The following CSMD1 variants were observed in gnomAD, a reference collection of about 807,000 sequenced individuals.
CSMD1 encodes the protein CUB and Sushi multiple domains 1.
A neutral mutation model predicts 417.5 loss-of-function variants in CSMD1; 213 were observed. The ratio of observed to expected loss-of-function variants is 0.51; its 90% confidence interval spans 0.46 to 0.57. CSMD1 has a LOEUF of 0.57. Among genes scored for constraint, CSMD1 ranks in the 20% least tolerant of loss-of-function variants. The probability of loss-of-function intolerance (pLI) is 0.00; values close to 1 mark genes in which losing one functional copy is unlikely to be tolerated. For missense variants in CSMD1, 6,923 were observed against 4,529.7 expected (o/e 1.53, Z -15.17); for synonymous variants, 2,862 against 1,736.8 (o/e 1.65, Z -16.11).
intron 1 of CSMD1, among the ~76,000 whole-genome samples, chr8:4,741,957 C>T (rs1349802591): frequency 7.0e-6 from 1 of 142,748 alleles, no homozygotes; most frequent in Non-Finnish European, 1.5e-5. Context: ...TCTTAGCCTC[C>T]AGAGAAGCTG....
intron 3 of CSMD1, among the ~76,000 whole-genome samples, chr8:4,189,032 G>A (rs1243228951): frequency 6.6e-6 from 1 of 152,134 alleles, no homozygotes; most frequent in East Asian, 1.9e-4. Context: ...CAAAGCCACT[G>A]AAAGCCCAGG....
chr8:3,069,525 C>A (rs942501387), intron 49 of CSMD1, among the ~76,000 whole-genome samples: 9 of 152,100 alleles, frequency 5.9e-5, no homozygotes, highest in African/African-American at 2.2e-4. Context: ...TTAAACCTCC[C>A]AAATAACTTC....
chr8:3,885,504 T>G (rs1183552979), intron 5 of CSMD1, among the ~76,000 whole-genome samples: 1 of 152,142 alleles, frequency 6.6e-6, no homozygotes, highest in East Asian at 1.9e-4. Context: ...TCGAAAAATG[T>G]CTCTAGATGG....
At chr8:4,184,405 C>T (rs1798548276) in intron 3 of CSMD1, among the ~76,000 whole-genome samples, 2 of 152,088 alleles carry the variant, frequency 1.3e-5, no homozygotes, top group South Asian at 4.1e-4. Context: ...TAATCTGGAG[C>T]ATATGAGGAT....
chr8:3,628,899 C>T (rs183139409), intron 7 of CSMD1, among the ~76,000 whole-genome samples: 3 of 150,618 alleles, frequency 2.0e-5, no homozygotes, highest in African/African-American at 7.3e-5. Context: ...AAAACGAAGA[C>T]AGGCAGGAAA....
Position 3,444,627 on chromosome 8 carries a change from C to G in CSMD1, c.1561+24085G>C, listed in dbSNP as rs147129043. Among the ~76,000 whole-genome samples, 891 of 152,118 alleles carry G rather than the reference C, an allele frequency of 5.9e-3. 11 individuals carry two copies. The highest frequency in any genetic ancestry group is 0.02 in the African/African-American group (830 of 41,484). Reference sequence around the variant, plus strand: ...TCCTAAAAACCTACAGTCACAGGACCGTCCCTGCCTTAACACCCAAACAAA... The same window carrying G: ...TCCTAAAAACCTACAGTCACAGGACGGTCCCTGCCTTAACACCCAAACAAA... On this transcript the variant is annotated intron_variant, in intron 12 of 69. Coordinates refer to ENST00000635120, the MANE Select transcript of CSMD1 (RefSeq NM_033225.6).
intron 1 of CSMD1, among the ~76,000 whole-genome samples, chr8:4,767,540 A>G (rs906105496): frequency 6.6e-5 from 10 of 152,076 alleles, no homozygotes; most frequent in Admixed American, 3.9e-4. Context: ...GTATCTCACC[A>G]TCCTGTCCTG....
chr8:4,555,402 C>T (rs1798046106), intron 2 of CSMD1, among the ~76,000 whole-genome samples: 1 of 152,098 alleles, frequency 6.6e-6, no homozygotes, highest in Non-Finnish European at 1.5e-5. Context: ...GTTTCCTCTC[C>T]AGCGCAGGTG....
At position 3,219,282 on chromosome 8, in the gene CSMD1, G is replaced by A. The variant is rs763109987; in HGVS notation, c.4645C>T (p.Leu1549Phe). Residue 1549 changes from leucine to phenylalanine, a missense_variant, in exon 29 of 70, where the codon CTT becomes TTT. Transcript: ENST00000635120. ...LAFRSDASVG[L>F]SGFAIEFKEK... Reference sequence around the variant, plus strand: ...TTAAATTCAATGGCGAACCCTGAAAGGCCCACGGAGGCATCACTCCGAAAT... The same window carrying A: ...TTAAATTCAATGGCGAACCCTGAAAAGCCCACGGAGGCATCACTCCGAAAT... 1.9e-6 allele frequency: 3 copies of A among 1,594,480 alleles called. No homozygotes were observed. Among genetic ancestry groups the A allele is most frequent in the East Asian group, 2.3e-5 (1 of 44,266 alleles).
chr8:4,786,156 A>T (rs562291329), intron 1 of CSMD1, among the ~76,000 whole-genome samples: 1 of 152,348 alleles, frequency 6.6e-6, no homozygotes, highest in African/African-American at 2.4e-5. Context: ...ACAGCCACTT[A>T]TGAGCCCTGA....
chr8:3,369,542 A>G (rs531777505), intron 18 of CSMD1, among the ~76,000 whole-genome samples, 172 bp from the exon 19 acceptor site: 12 of 152,318 alleles, frequency 7.9e-5, no homozygotes, highest in Admixed American at 4.6e-4. Flanking sequence ...ATCATATGCT[A>G]GTTCATATGA....
chr8:4,795,739 G>C (rs1444648467), intron 1 of CSMD1, among the ~76,000 whole-genome samples: 1 of 152,062 alleles, frequency 6.6e-6, no homozygotes, highest in African/African-American at 2.4e-5. Flanking sequence ...GTCCTCCAGG[G>C]CTCTTGTCAG....
intron 25 of CSMD1, among the ~76,000 whole-genome samples, chr8:3,285,342 ATAG>A (rs1358765992): frequency 6.6e-6 from 1 of 152,024 alleles, no homozygotes; most frequent in Non-Finnish European, 1.5e-5. Context: ...AGTATAGCAG[ATAG>A]TAGATCTTTA....
chr8:3,793,568 G>A (rs1031131845), intron 5 of CSMD1, among the ~76,000 whole-genome samples: 1 of 151,080 alleles, frequency 6.6e-6, no homozygotes, highest in South Asian at 2.1e-4. Context: ...TCCAAAGCCT[G>A]CCACCCTGTA....
intron 3 of CSMD1, among the ~76,000 whole-genome samples, chr8:4,348,898 C>G (rs2128899611): frequency 6.6e-6 from 1 of 152,236 alleles, no homozygotes; most frequent in East Asian, 1.9e-4. Context: ...GAGTCATAAG[C>G]CTTTCTCCCT....
chr8:3,576,367 A>ATCGC, intron 9 of CSMD1, among the ~76,000 whole-genome samples: 1 of 151,618 alleles, frequency 6.6e-6, no homozygotes, highest in South Asian at 2.1e-4. Flanking sequence ...TTCATCTGAG[A>ATCGC]TCTCTCCTAA....
intron 3 of CSMD1, among the ~76,000 whole-genome samples, chr8:4,185,709 A>G (rs1798632402): frequency 6.6e-6 from 1 of 152,214 alleles, no homozygotes; most frequent in Non-Finnish European, 1.5e-5. Context: ...ATGTACTGAA[A>G]TATGTTCGTC....
intron 3 of CSMD1, among the ~76,000 whole-genome samples, chr8:4,043,880 C>G (rs571516229): frequency 8.5e-5 from 13 of 152,252 alleles, no homozygotes; most frequent in Admixed American, 4.6e-4. Context: ...CTAAGGAACT[C>G]AGTTAAGATA....
intron 2 of CSMD1, among the ~76,000 whole-genome samples, chr8:4,569,655 G>GT (rs1020395434): frequency 1.3e-5 from 2 of 150,954 alleles, no homozygotes; most frequent in Non-Finnish European, 3.0e-5. Flanking sequence ...ATGACCTTTA[G>GT]TTTTTTTCTA....
Sources: allele counts gnomAD v4.1 joint callset (sites outside exome capture counted in the v4.1 genomes callset), GRCh38; gene constraint gnomAD v4.1.1; transcripts MANE v1.5; gene names NCBI Gene and HGNC (gene_info 2026-07-23, HGNC 2026-07-21).